LEPROTL1: variants seen among roughly 807,000 people sequenced by gnomAD.
The protein encoded by LEPROTL1 is leptin receptor overlapping transcript like 1.
LEPROTL1 carries 6 observed loss-of-function variants against 15.4 expected under a neutral mutation model. The ratio of observed to expected loss-of-function variants is 0.39; its 90% CI spans 0.21 to 0.77. The LOEUF (loss-of-function observed/expected upper bound fraction) is 0.77, where lower values mean the gene tolerates loss of function less well. Ranked by LOEUF, LEPROTL1 falls within the 30% of genes least tolerant of loss-of-function variation. LEPROTL1 has a pLI of 0.41. For synonymous variants in LEPROTL1, 56 were observed against 52.6 expected (o/e 1.06, Z -0.28); for missense variants, 128 against 158.1 (o/e 0.81, Z 1.02).
intron 3 of LEPROTL1, among the ~76,000 whole-genome samples, chr8:30,115,519 C>T (rs540053568): frequency 3.8e-4 from 56 of 148,250 alleles, no homozygotes; most frequent in Admixed American, 1.0e-3. Flanking sequence ...ACTACAGGCA[C>T]GCACCACCAT....
intron 1 of LEPROTL1, 40 bp from the exon 2 acceptor site, chr8:30,101,854 ATATT>A (rs767762477): frequency 2.5e-6 from 3 of 1,185,816 alleles, no homozygotes; most frequent in African/African-American, 3.1e-5. Context: ...AATAAAAATA[ATATT>A]TAATTTATAT....
chr8:30,137,344 C>T (rs1803170275), exon 5 of LEPROTL1: 2 of 1,551,720 alleles, frequency 1.3e-6, no homozygotes, highest in African/African-American at 2.7e-5. Context: ...GACACAGCAG[C>T]TGCCTCTCCC....
rs58081402 is a variant in LEPROTL1 at position 30,134,602 on chromosome 8, C to T, written c.394+2113C>T. ...TATGGCCCAGGCTGGAGTGCAGTGG[C>T]GCGATCTCAGCCGCCCACTGCAACC... On this transcript the variant is annotated intron_variant, in intron 4 of 4. Transcript: ENST00000442880. 1.6e-3 allele frequency among the ~76,000 whole-genome samples: 246 copies of T among 152,050 alleles called. 2 individuals are homozygous for T. The highest frequency in any genetic ancestry group is 5.4e-3 in the African/African-American group (225 of 41,480).
intron 3 of LEPROTL1, among the ~76,000 whole-genome samples, chr8:30,113,632 G>A (rs1183970165): frequency 6.6e-6 from 1 of 152,172 alleles, no homozygotes; most frequent in Non-Finnish European, 1.5e-5. Flanking sequence ...CCTCCATTAT[G>A]GGCCGGAGAG....
At chr8:30,116,205 G>T (rs1024445495) in intron 3 of LEPROTL1, among the ~76,000 whole-genome samples, 3 of 151,906 alleles carry the variant, frequency 2.0e-5, no homozygotes, top group African/African-American at 7.3e-5. Flanking sequence ...ATGCCACTGT[G>T]TTCCAGCCTG....
At chr8:30,128,772 G>T (rs1290671754) in intron 3 of LEPROTL1, among the ~76,000 whole-genome samples, 1 of 150,836 alleles carries the variant, frequency 6.6e-6, no homozygotes, top group African/African-American at 2.4e-5. Context: ...AAAAAATACT[G>T]AAGTGTAACA....
At chr8:30,127,651 AGAGT>A in intron 3 of LEPROTL1, among the ~76,000 whole-genome samples, 2 of 146,710 alleles carry the variant, frequency 1.4e-5, no homozygotes, top group South Asian at 4.5e-4. Context: ...CCTAGGTGAC[AGAGT>A]GAGACCCTGT....
Position 30,120,507 on chromosome 8 carries a change from T to G in LEPROTL1, c.280-11868T>G, listed in dbSNP as rs570986730. 1.1e-4 allele frequency among the ~76,000 whole-genome samples: 17 copies of G among 152,222 alleles called. 1 individual carries two copies. In the East Asian group the frequency reaches 3.3e-3, roughly 29 times the overall value. ...TATTTTTTTAACTCTGGTAACAAAA[T>G]ACATAACATGAAATCTACCATCTTT... On this transcript the variant is annotated intron_variant, in intron 3 of 4. Coordinates refer to the LEPROTL1 transcript ENST00000442880.
At chr8:30,102,634 A>G (rs1468367714) in intron 2 of LEPROTL1, among the ~76,000 whole-genome samples, 8 of 151,746 alleles carry the variant, frequency 5.3e-5, no homozygotes, top group Admixed American at 2.6e-4. Flanking sequence ...CCTGGGTGAT[A>G]GAGCAAGACT....
At chr8:30,117,770 T>C (rs1802764731) in intron 3 of LEPROTL1, 1 of 835,362 alleles carries the variant, frequency 1.2e-6, no homozygotes, top group Non-Finnish European at 2.0e-6. Flanking sequence ...AGGACATTCA[T>C]GCGCACCATT....
At chr8:30,122,698 G>A (rs993948067) in intron 3 of LEPROTL1, among the ~76,000 whole-genome samples, 6 of 152,106 alleles carry the variant, frequency 3.9e-5, no homozygotes, top group South Asian at 2.1e-4. Context: ...GGGAGACTGC[G>A]GCAGGAGAAT....
Position 30,107,628 on chromosome 8 carries a change from C to T in LEPROTL1, c.*1766C>T, listed in dbSNP as rs137936814. ...TATCGGCGTGTGGCTGGAGCCTTCC[C>T]ACTGGAGGCTGAAAGTGGCTTGTGG... is the stretch of plus-strand genomic sequence containing the variant. On this transcript the variant is annotated 3_prime_UTR_variant, in exon 4 of 4. Transcript: ENST00000321250. 7.8e-4 allele frequency: 765 copies of T among 985,736 alleles called. 4 individuals carry two copies. In the African/African-American group the frequency reaches 0.011, roughly 14 times the overall value. 61.1% of individuals were successfully genotyped at this position (985,736 alleles called of 1,614,324 possible). A position where few individuals can be genotyped will look rare whatever the true frequency, so the allele number is the denominator to read the frequency against.
At chr8:30,110,942 G>A (rs777701073), downstream of LEPROTL1, among the ~76,000 whole-genome samples, 4 of 152,034 alleles carry the variant, frequency 2.6e-5, no homozygotes, top group African/African-American at 4.8e-5. Context: ...TTTTCTCTTG[G>A]TAGATCAGTT....
At chr8:30,101,670 C>CAAAA (rs11316779) in intron 1 of LEPROTL1, among the ~76,000 whole-genome samples, 25 of 52,712 alleles carry the variant, frequency 4.7e-4, no homozygotes, top group Admixed American at 1.2e-3. Flanking sequence ...CTCCATCTCA[C>CAAAA]AAAAAAAAAA....
At position 30,106,094 on chromosome 8, in the gene LEPROTL1, A is replaced by G. The variant is rs1802561625; in HGVS notation, c.*232A>G. On this transcript the variant is annotated 3_prime_UTR_variant, in exon 4 of 4. Transcript: ENST00000321250. ...GACTGATTTCACACTTATCTATAGT[A>G]TGCTTTTTGTGGTGTCCTGCTGAAT... The G allele has an allele frequency of 1.9e-6, 2 of 1,054,534 alleles. No homozygotes were observed. The highest frequency in any genetic ancestry group is 2.3e-6 in the Non-Finnish European group (2 of 873,730). The allele number at this position is 1,054,534 out of a possible 1,614,324, so 65.3% of individuals were successfully genotyped here.
chr8:30,119,514 T>C (rs771885549), intron 3 of LEPROTL1, among the ~76,000 whole-genome samples: 1 of 152,174 alleles, frequency 6.6e-6, no homozygotes, highest in Non-Finnish European at 1.5e-5. Flanking sequence ...AATTCACTTG[T>C]CAATTTCTAT....
rs199590565 is a variant in LEPROTL1, at chr8:30,105,776, A to G, written c.310A>G (p.Thr104Ala). ...GTGGGGAGCTTGTGCACTTGTTCTCACAGGAAACACAGTCATCTTTGCAAC... is the reference window on the plus strand; with the variant it reads ...GTGGGGAGCTTGTGCACTTGTTCTCGCAGGAAACACAGTCATCTTTGCAAC... Reference protein sequence around the residue: ...IEWGACALVLTGNTVIFATIL... With the variant: ...IEWGACALVLAGNTVIFATIL... The change falls in exon 4 of 4, where the codon ACA (threonine) becomes GCA (alanine). Residue 104 changes from threonine to alanine, a missense_variant. Transcript: ENST00000321250. 28 of 1,588,416 alleles carry G rather than the reference A, an allele frequency of 1.8e-5. No individual in the cohort carries two copies. The highest frequency in any genetic ancestry group is 2.3e-5 in the Non-Finnish European group (27 of 1,166,386).
chr8:30,105,353 A>C (rs1386531807), intron 3 of LEPROTL1, among the ~76,000 whole-genome samples: 1 of 152,150 alleles, frequency 6.6e-6, no homozygotes, highest in Admixed American at 6.6e-5. Context: ...TATATTAAGG[A>C]AGAGTAAGCA....
chr8:30,128,751 CAAAA>C (rs60440341), intron 3 of LEPROTL1, among the ~76,000 whole-genome samples: 1 of 115,508 alleles, frequency 8.7e-6, no homozygotes, highest in African/African-American at 3.2e-5. Context: ...GGCCCTGTTT[CAAAA>C]AAAAAAAAAA....
Sources: allele counts gnomAD v4.1 joint callset (sites outside exome capture counted in the v4.1 genomes callset), GRCh38; gene constraint gnomAD v4.1.1; transcripts MANE v1.5; gene names NCBI Gene and HGNC (gene_info 2026-07-23, HGNC 2026-07-21).